Variants in FBLN2 observed in about 807,000 individuals in gnomAD.
FBLN2 encodes fibulin-2.
In FBLN2, 81 loss-of-function variants were observed where a neutral mutation model predicts 123.7. The observed-to-expected ratio is 0.65, with a 90% confidence interval of 0.55 to 0.79. FBLN2 has a LOEUF of 0.79. Ranked by LOEUF, FBLN2 falls within the 30% of genes least tolerant of loss-of-function variation. The pLI, the probability that FBLN2 is intolerant of heterozygous loss-of-function variation, is 0.00. For missense variants in FBLN2, 1,603 were observed against 1,681.3 expected, an observed-to-expected ratio of 0.95 and a Z score of 0.81; for synonymous variants, 699 against 701.4, an observed-to-expected ratio of 1.00 and a Z score of 0.05.
In FBLN2 at chr3:13,629,228, T is replaced by C. The variant is rs754186053; in HGVS notation, c.2778T>C (p.Pro926=). The change falls in exon 13 of 18, where the codon CCT becomes CCC. Residue 926 remains proline, a synonymous_variant. Coordinates refer to ENST00000404922, the MANE Select transcript of FBLN2 (RefSeq NM_001004019.2). ...AGGGCCAAGTGTGCCACAACCTCCC[T>C]GGCTCCTACCGCTGTGACTGCAAAG... ...CGEGQVCHNL[P]GSYRCDCKAG... 2.6e-5 allele frequency: 42 copies of C among 1,613,360 alleles called. 1 individual carries two copies. The highest frequency in any genetic ancestry group is 8.8e-5 in the South Asian group (8 of 91,078).
At chr3:13,618,327 T>G in intron 6 of FBLN2, 42 bp downstream of exon 6, 1 of 1,590,314 alleles carries the variant, frequency 6.3e-7, no homozygotes. Flanking sequence ...TGGGAAGGGC[T>G]GATCTTGCCA....
chr3:13,566,682 G>C (rs908813), intron 1 of FBLN2: 122,130 of 152,264 alleles, frequency 0.8, 49,660 homozygotes, highest in East Asian at 1. Context: ...ATGCATTTGG[G>C]GGGGCCCAGA....
At chr3:13,550,455 G>A (rs534555611) in intron 1 of FBLN2, among the ~76,000 whole-genome samples, 5 of 152,352 alleles carry the variant, frequency 3.3e-5, no homozygotes, top group East Asian at 3.9e-4. Flanking sequence ...GCCAGCAGGC[G>A]TCCCCTGACA....
At position 13,603,236 on chromosome 3, in the gene FBLN2, G is replaced by GTT. The variant is rs143770518; in HGVS notation, c.1307-4814_1307-4813dup. ...TCCTTTTTTCTTTCTTTTTTTTTAA[G>GTT]TTTTTTTTTTTTTAATTATACTTTA... On this transcript the variant is annotated intron_variant, in intron 2 of 17. Coordinates refer to ENST00000404922, the MANE Select transcript of FBLN2 (RefSeq NM_001004019.2). Among the ~76,000 whole-genome samples the GTT allele has an allele frequency of 3.5e-5, 5 of 141,468 alleles. No individual in the cohort carries two copies. The East Asian group carries it at 6.9e-4, about 20-fold the overall frequency. The allele number at this position is 141,468 out of a possible 152,430, so 92.8% of individuals were successfully genotyped here.
At chr3:13,585,185 G>A (rs1323991061) in intron 2 of FBLN2, among the ~76,000 whole-genome samples, 2 of 152,202 alleles carry the variant, frequency 1.3e-5, no homozygotes, top group Non-Finnish European at 2.9e-5. Context: ...CTGGCTTCCT[G>A]GCTTTGTGCC....
Position 13,637,866 on chromosome 3 carries a change from G to C in FBLN2, c.3643G>C (p.Val1215Leu). 2 of 1,609,930 alleles carry C rather than the reference G, an allele frequency of 1.2e-6. No homozygotes were observed. The highest frequency in any genetic ancestry group is 3.3e-4 in the Middle Eastern group (2 of 6,024). The stretch of plus-strand genomic sequence containing the variant: ...GATGAAGCTCTGGAGGCAGGGCTCC[G>C]TCACCACCTTCCTGGCCAAGATGCA... ...VEMKLWRQGS[V>L]TTFLAKMHIF... Residue 1215 changes from valine (V) to leucine (L), a missense_variant, in exon 18 of 18, where the codon GTC (valine) becomes CTC (leucine). Transcript: ENST00000404922.
At chr3:13,598,140 A>G (rs1476846720) in intron 2 of FBLN2, among the ~76,000 whole-genome samples, 4 of 152,322 alleles carry the variant, frequency 2.6e-5, no homozygotes, top group African/African-American at 9.6e-5. Context: ...TGCTGAAGGG[A>G]TGGTTGCTAA....
chr3:13,599,895 A>G (rs980255969), intron 2 of FBLN2, among the ~76,000 whole-genome samples: 7 of 148,042 alleles, frequency 4.7e-5, no homozygotes, highest in Admixed American at 4.0e-4. Flanking sequence ...GGCGGGGGCA[A>G]GAGGAAGGTG....
rs1447988500 is a variant in FBLN2, at chr3:13,588,858, C to T, written c.1306+17197C>T. Among the ~76,000 whole-genome samples, 6 of 152,198 alleles carry T rather than the reference C, an allele frequency of 3.9e-5. No homozygotes were observed. In the East Asian group the frequency reaches 7.7e-4, roughly 20 times the overall value. On this transcript the variant is annotated intron_variant, in intron 2 of 17. Transcript: ENST00000404922. ...GTTAAATATCTCTTATTAAACTGTA[C>T]GTATGATGGGCTGGAAATTAAGCGA...
At chr3:13,577,626 C>T (rs1405840452) in intron 2 of FBLN2, among the ~76,000 whole-genome samples, 3 of 152,204 alleles carry the variant, frequency 2.0e-5, no homozygotes, top group Admixed American at 2.0e-4. Context: ...ACAAGGAGCT[C>T]CCAAAAGGGA....
In FBLN2 at chr3:13,627,847, C is replaced by T. The variant is rs372657305; in HGVS notation, c.2447C>T (p.Ala816Val). The change falls in exon 11 of 18, where the codon GCG (alanine) becomes GTG (valine). Residue 816 changes from alanine (A) to valine (V), a missense_variant. Ala to Val is a moderately conservative substitution (Grantham distance 64). Transcript: ENST00000404922. Reference sequence around the variant, plus strand: ...TCCGCTGCAGACGTGGATGAGTGTGCGATGGGCACGCACACCTGCCAGCCG... The same window carrying T: ...TCCGCTGCAGACGTGGATGAGTGTGTGATGGGCACGCACACCTGCCAGCCG... ...DGECEDVDEC[A>V]MGTHTCQPGF... 2.8e-5 allele frequency: 45 copies of T among 1,612,904 alleles called. No homozygotes were observed. The East Asian group carries it at 4.0e-4, about 14-fold the overall frequency.
chr3:13,628,936 A>G lies in FBLN2; in HGVS notation c.2601A>G (p.Pro867=). ...ACGAGTGCACGTCACTGTCCGAGCCATGTCGGCCAGGCTTCAGCTGCATCA... is the reference window on the plus strand; with the variant it reads ...ACGAGTGCACGTCACTGTCCGAGCCGTGTCGGCCAGGCTTCAGCTGCATCA... ...DINECTSLSE[P]CRPGFSCINT... The change falls in exon 12 of 18, where the codon CCA becomes CCG. Residue 867 remains proline, a synonymous_variant. Transcript: ENST00000404922. 6.2e-7 allele frequency: 1 copy of G among 1,613,580 alleles called. No homozygotes were observed.
chr3:13,581,193 C>T (rs939090006), intron 2 of FBLN2, among the ~76,000 whole-genome samples: 10 of 16,500 alleles, frequency 6.1e-4, no homozygotes, highest in East Asian at 3.6e-3. Flanking sequence ...CACACACACG[C>T]GGGGAAGTCA....
chr3:13,586,919 C>G (rs547383864), intron 2 of FBLN2, among the ~76,000 whole-genome samples: 14 of 151,060 alleles, frequency 9.3e-5, no homozygotes, highest in African/African-American at 3.4e-4. Flanking sequence ...AGGCTGAGGG[C>G]GGATCACCTG....
At chr3:13,557,783 G>T (rs1250554990) in intron 1 of FBLN2, among the ~76,000 whole-genome samples, 1 of 152,274 alleles carries the variant, frequency 6.6e-6, no homozygotes, top group African/African-American at 2.4e-5. Flanking sequence ...AAAGGCTGCA[G>T]TGATTAGACC....
intron 1 of FBLN2, among the ~76,000 whole-genome samples, chr3:13,569,360 C>T (rs777501012): frequency 3.0e-4 from 45 of 152,142 alleles, no homozygotes; most frequent in Admixed American, 5.2e-4. Flanking sequence ...CGTGGCATGT[C>T]GGGGCCAGCT....
chr3:13,551,505 C>G (rs573280522), intron 1 of FBLN2, among the ~76,000 whole-genome samples: 1 of 152,336 alleles, frequency 6.6e-6, no homozygotes, highest in South Asian at 2.1e-4. Flanking sequence ...GAGAAAGGGC[C>G]TCCCAGCAGG....
intron 2 of FBLN2, among the ~76,000 whole-genome samples, chr3:13,607,735 C>T (rs560796130): frequency 1.9e-4 from 29 of 152,128 alleles, no homozygotes; most frequent in Non-Finnish European, 3.2e-4. Context: ...GTGGACAAAG[C>T]TGTGGCCCAC....
intron 16 of FBLN2, 94 bp downstream of exon 16, chr3:13,631,551 G>A (rs1379925909): frequency 2.1e-6 from 3 of 1,410,974 alleles, no homozygotes; most frequent in South Asian, 1.4e-5. Context: ...GCGTGCACTT[G>A]GAGCCCCCAC....
Sources: allele counts gnomAD v4.1 joint callset (sites outside exome capture counted in the v4.1 genomes callset), GRCh38; gene constraint gnomAD v4.1.1; transcripts MANE v1.5; gene names NCBI Gene and HGNC (gene_info 2026-07-23, HGNC 2026-07-21).